Variants in ITPRID2 observed in about 807,000 individuals in gnomAD.
ITPRID2 encodes protein ITPRID2.
Under a neutral mutation model 124.3 loss-of-function variants are expected in ITPRID2, and 60 were observed. The ratio of observed to expected loss-of-function variants is 0.48; its 90% confidence interval spans 0.39 to 0.60. The LOEUF (loss-of-function observed/expected upper bound fraction) is 0.60, where lower values mean the gene tolerates loss of function less well. Ranked by LOEUF, ITPRID2 falls within the 20% of genes least tolerant of loss-of-function variation. The pLI is 0.00. For synonymous variants in ITPRID2, 521 were observed against 542.9 expected, an observed-to-expected ratio of 0.96 and a Z score of 0.56; for missense variants, 1,553 against 1,512.2, an observed-to-expected ratio of 1.03 and a Z score of -0.45.
At position 181,896,822 on chromosome 2, in the gene ITPRID2, C is replaced by A; in HGVS notation, c.308-86C>A. The stretch of plus-strand genomic sequence containing the variant: ...AGATTTTACTGTATAAGATATTTTG[C>A]TGGGTGAATTTAACTAAAACAGTGA... On this transcript the variant is annotated intron_variant, in intron 3 of 17. Coordinates refer to ENST00000431877, the MANE Select transcript of ITPRID2 (RefSeq NM_001130445.3). This position sits in a 1 kb window ranked among gnomAD's most constrained non-coding sequence, Gnocchi z 4.3. The A allele has an allele frequency of 1.0e-6, 1 of 992,582 alleles. No individual in the cohort carries two copies. The highest frequency in any genetic ancestry group is 1.3e-5 in the South Asian group (1 of 74,276). 61.5% of individuals were successfully genotyped at this position (992,582 alleles called of 1,614,324 possible). A position where few individuals can be genotyped will look rare whatever the true frequency, so the allele number is the denominator to read the frequency against.
intron 10 of ITPRID2, 123 bp downstream of exon 10, chr2:181,914,056 C>A: frequency 1.6e-6 from 1 of 617,946 alleles, no homozygotes; most frequent in South Asian, 2.2e-5. Context: ...CAGAACAAAA[C>A]TCCTGGCATG....
Position 181,915,864 on chromosome 2 carries a change from A to G in ITPRID2, c.2224A>G (p.Thr742Ala), listed in dbSNP as rs758911128. The G allele has an allele frequency of 3.3e-5, 54 of 1,614,048 alleles. No individual in the cohort carries two copies. Among genetic ancestry groups the G allele is most frequent in the South Asian group, 6.6e-5 (6 of 91,086 alleles). Residue 742 changes from threonine to alanine, a missense_variant, in exon 11 of 18, where the codon ACC becomes GCC. By Grantham distance (58) the Thr-to-Ala change is moderately conservative. Transcript: ENST00000431877. ...TCTAAGAAGGTCTCAGTCTTTACCA[A>G]CCACCTTATTGAGCCCAGTAAGGGT... is the stretch of plus-strand genomic sequence containing the variant. ...YPLRRSQSLP[T>A]TLLSPVRVVS... is the part of the protein sequence containing the mutation.
chr2:181,914,532 A>G (rs1026354845), intron 10 of ITPRID2, among the ~76,000 whole-genome samples: 10 of 152,236 alleles, frequency 6.6e-5, no homozygotes, highest in African/African-American at 1.4e-4. Context: ...GACAAGAGGC[A>G]TATGTAAGTT....
rs375184472 is a variant in ITPRID2 at position 181,918,602 on chromosome 2, C to G, written c.2792C>G (p.Pro931Arg). The change falls in exon 12 of 18, where the codon CCT becomes CGT. Residue 931 changes from proline (P) to arginine (R), a missense_variant. Coordinates refer to ENST00000431877, the MANE Select transcript of ITPRID2 (RefSeq NM_001130445.3). ...CCTACTTTTACTTTTTTGAAGTACC[C>G]TATGATGAGAGGACCTGATCCTGCT... is the stretch of plus-strand genomic sequence containing the variant. ...RNSLQNLSQYPMMRGPDPAAA... is the reference protein window; with the variant it reads ...RNSLQNLSQYRMMRGPDPAAA... 35 of 1,613,612 alleles carry G rather than the reference C, an allele frequency of 2.2e-5. No individual in the cohort carries two copies. The highest frequency in any genetic ancestry group is 5.0e-5 in the Admixed American group (3 of 59,978).
intron 15 of ITPRID2, among the ~76,000 whole-genome samples, chr2:181,920,884 G>T (rs569911970): frequency 1.2e-4 from 19 of 152,162 alleles, no homozygotes; most frequent in Non-Finnish European, 1.6e-4. Flanking sequence ...ACTAAAGGAG[G>T]TAATGCACCA....
Position 181,910,552 on chromosome 2 carries a change from ATG to A in ITPRID2, c.1486+586_1486+587del. The A allele has an allele frequency of 1.5e-6, 1 of 673,776 alleles. No homozygotes were observed. The allele number at this position is 673,776 out of a possible 1,614,324, so 41.7% of individuals were successfully genotyped here. A position where few individuals can be genotyped will look rare whatever the true frequency, so the allele number is the denominator to read the frequency against. The stretch of plus-strand genomic sequence containing the variant: ...ACTTGCAACAACAACAACAACAAAA[ATG>A]TGTGATCTTTGGATTTACAAAACTT... On this transcript the variant is annotated intron_variant, in intron 9 of 17. Transcript: ENST00000431877. The surrounding 1 kb of genome is among the most constrained non-coding windows in gnomAD (Gnocchi z 4.1).
rs1382600618 is a variant in ITPRID2, at chr2:181,891,784, G to GGGCCGGGCGGGCGCTCGGCTCCC, written c.-282_-260dup. The stretch of plus-strand genomic sequence containing the variant: ...GCGTCAGGCAGGGGGTGGGGAGCAG[G>GGGCCGGGCGGGCGCTCGGCTCCC]GGCCGGGCGGGCGCTCGGCTCCCAG... On this transcript the variant is annotated 5_prime_UTR_variant, in exon 1 of 18. Coordinates refer to ENST00000431877, the MANE Select transcript of ITPRID2 (RefSeq NM_001130445.3). 8.9e-6 allele frequency: 2 copies of GGGCCGGGCGGGCGCTCGGCTCCC among 224,974 alleles called. No individual in the cohort carries two copies. The highest frequency in any genetic ancestry group is 4.6e-5 in the African/African-American group (2 of 43,226). 13.9% of individuals were successfully genotyped at this position (224,974 alleles called of 1,614,324 possible). A position where few individuals can be genotyped will look rare whatever the true frequency, so the allele number is the denominator to read the frequency against.
At position 181,902,912 on chromosome 2, in the gene ITPRID2, C is replaced by A. The variant is rs77022955; in HGVS notation, c.1413+446C>A. 0.061 allele frequency among the ~76,000 whole-genome samples: 9,237 copies of A among 152,000 alleles called. 438 individuals carry two copies. The highest frequency in any genetic ancestry group is 0.12 in the African/African-American group (5,170 of 41,432). On this transcript the variant is annotated intron_variant, in intron 8 of 17. Coordinates refer to ENST00000431877, the MANE Select transcript of ITPRID2 (RefSeq NM_001130445.3). The surrounding 1 kb of genome is among the most constrained non-coding windows in gnomAD (Gnocchi z 4.4). Reference sequence around the variant, plus strand: ...TCTCAGTGGTAAGGATATGTGAAGGCGGCTTTGGGGATAGTTCTTGTTATA... The same window carrying A: ...TCTCAGTGGTAAGGATATGTGAAGGAGGCTTTGGGGATAGTTCTTGTTATA...
In ITPRID2 at chr2:181,902,148, T is replaced by C. The variant is rs758149175; in HGVS notation, c.1095T>C (p.Gly365=). ...MLATVKEEVS[G]SSAAVTENAD... ...CTACAGTTAAAGAAGAAGTCTCTGG[T>C]AGTTCAGCAGCTGTTACGGAGAATG... Residue 365 remains glycine, a synonymous_variant, in exon 8 of 18, where the codon GGT becomes GGC. Coordinates refer to ENST00000431877, the MANE Select transcript of ITPRID2 (RefSeq NM_001130445.3). This position sits in a 1 kb window ranked among gnomAD's most constrained non-coding sequence, Gnocchi z 4.4. 3.1e-6 allele frequency: 5 copies of C among 1,613,578 alleles called. No individual in the cohort carries two copies. The highest frequency in any genetic ancestry group is 1.7e-5 in the Admixed American group (1 of 59,982).
chr2:181,929,442 C>T (rs879021488), intron 17 of ITPRID2, 119 bp from the exon 18 acceptor site: 35 of 580,954 alleles, frequency 6.0e-5, no homozygotes, highest in Non-Finnish European at 5.9e-6. Flanking sequence ...ATAGAGATTA[C>T]AGGATAATCA....
chr2:181,925,696 G>A (rs1328340433), intron 16 of ITPRID2, among the ~76,000 whole-genome samples: 1 of 152,150 alleles, frequency 6.6e-6, no homozygotes, highest in Non-Finnish European at 1.5e-5. Flanking sequence ...GGAGCTCACA[G>A]TACACCTTCC....
At chr2:181,927,352 G>A (rs918514128) in intron 16 of ITPRID2, among the ~76,000 whole-genome samples, 1 of 152,134 alleles carries the variant, frequency 6.6e-6, no homozygotes, top group African/African-American at 2.4e-5. Flanking sequence ...CTTTCACAAA[G>A]GGCTATTTAA....
chr2:181,898,173 G>A lies in ITPRID2; in HGVS notation c.365-707G>A, dbSNP rs185926640. Among the ~76,000 whole-genome samples the A allele has an allele frequency of 1.4e-3, 207 of 152,102 alleles. 1 individual carries two copies. Among genetic ancestry groups the A allele is most frequent in the African/African-American group, 4.7e-3 (197 of 41,544 alleles). On this transcript the variant is annotated intron_variant, in intron 4 of 17. Coordinates refer to ENST00000431877, the MANE Select transcript of ITPRID2 (RefSeq NM_001130445.3). Reference sequence around the variant, plus strand: ...TGAGTTAGGCACCTTTCTGGTGGATGTACAAAGAAACACAAAATTGTCATA... The same window carrying A: ...TGAGTTAGGCACCTTTCTGGTGGATATACAAAGAAACACAAAATTGTCATA...
At chr2:181,916,515 T>C in intron 11 of ITPRID2, 88 bp downstream of exon 11, 1 of 1,438,766 alleles carries the variant, frequency 7.0e-7, no homozygotes, top group Non-Finnish European at 9.3e-7. Flanking sequence ...GCACATCAAG[T>C]ATGAACTACC....
chr2:181,892,280 C>T lies in ITPRID2; in HGVS notation c.211+3C>T, dbSNP rs375858290. 2.6e-6 allele frequency: 4 copies of T among 1,543,954 alleles called. No homozygotes were observed. Among genetic ancestry groups the T allele is most frequent in the East Asian group, 2.5e-5 (1 of 40,802 alleles). On this transcript the variant is annotated splice_donor_region_variant and intron_variant, in intron 1 of 17. Coordinates refer to ENST00000431877, the MANE Select transcript of ITPRID2 (RefSeq NM_001130445.3). This position sits in a 1 kb window ranked among gnomAD's most constrained non-coding sequence, Gnocchi z 5.2. ...GCTGCCGGCAGCGGGGGGAAGAGGT[C>T]GGTGCTCCCGGCCGGGCTCCGGGGG...
intron 16 of ITPRID2, among the ~76,000 whole-genome samples, chr2:181,924,846 A>C (rs75071791): frequency 0.029 from 4,429 of 152,344 alleles, 105 homozygotes; most frequent in East Asian, 0.09. Context: ...TACTAGGAAA[A>C]AAGTACACAC....
rs779614554 is a variant in ITPRID2 at position 181,892,059 on chromosome 2, G to C, written c.-8G>C. The C allele has an allele frequency of 6.5e-7, 1 of 1,548,822 alleles. No individual in the cohort carries two copies. Among genetic ancestry groups the C allele is most frequent in the Non-Finnish European group, 8.7e-7 (1 of 1,147,118 alleles). ...TCCGGCTGGGGTAGCGGAGCCCCCA[G>C]TGCGGCCATGGACCGGCCCCTGTCG... On this transcript the variant is annotated 5_prime_UTR_variant, in exon 1 of 18. Coordinates refer to ENST00000431877, the MANE Select transcript of ITPRID2 (RefSeq NM_001130445.3). This position sits in a 1 kb window ranked among gnomAD's most constrained non-coding sequence, Gnocchi z 5.2.
chr2:181,905,045 G>A lies in ITPRID2; in HGVS notation c.1413+2579G>A, dbSNP rs1018610058. 6.6e-6 allele frequency among the ~76,000 whole-genome samples: 1 copy of A among 150,542 alleles called. No individual in the cohort carries two copies. Among genetic ancestry groups the A allele is most frequent in the Non-Finnish European group, 1.5e-5 (1 of 67,796 alleles). On this transcript the variant is annotated intron_variant, in intron 8 of 17. Coordinates refer to ENST00000431877, the MANE Select transcript of ITPRID2 (RefSeq NM_001130445.3). This position sits in a 1 kb window ranked among gnomAD's most constrained non-coding sequence, Gnocchi z 4.1. ...TAAAATAGTTATGAATGTTTATAAC[G>A]ATGTTTTTTCTTTTTTTTTTTTTTT...
rs1268526706 is a variant in ITPRID2 at position 181,930,209 on chromosome 2, G to A, written c.*662G>A. 1.3e-5 allele frequency: 2 copies of A among 152,598 alleles called. No individual in the cohort carries two copies. The highest frequency in any genetic ancestry group is 2.4e-5 in the African/African-American group (1 of 41,454). The allele number at this position is 152,598 out of a possible 1,614,324, so 9.5% of individuals were successfully genotyped here. On this transcript the variant is annotated 3_prime_UTR_variant, in exon 18 of 18. Transcript: ENST00000431877. Reference sequence around the variant, plus strand: ...TATGTAGTATTTTTCTTTTGGAAATGTGCCTTATGTTAAACACTATGTACT... The same window carrying A: ...TATGTAGTATTTTTCTTTTGGAAATATGCCTTATGTTAAACACTATGTACT...
Sources: allele counts gnomAD v4.1 joint callset (sites outside exome capture counted in the v4.1 genomes callset), GRCh38; gene constraint gnomAD v4.1.1; non-coding constraint Gnocchi (gnomAD v3.1); transcripts MANE v1.5; gene names NCBI Gene and HGNC (gene_info 2026-07-23, HGNC 2026-07-21).